COG6: variants seen among roughly 807,000 people sequenced by gnomAD.
COG6 encodes the protein component of oligomeric golgi complex 6.
Under a neutral mutation model 88.8 loss-of-function variants are expected in COG6, and 74 were observed. That is an observed-to-expected ratio of 0.83 (90% confidence interval 0.69 to 1.01). The LOEUF (loss-of-function observed/expected upper bound fraction) is 1.01. Ranked by LOEUF, COG6 falls within the 50% of genes least tolerant of loss-of-function variation. The pLI is 0.00. For missense variants in COG6, 800 were observed against 797.9 expected, an observed-to-expected ratio of 1.00 and a Z score of -0.03; for synonymous variants, 286 against 278.7, an observed-to-expected ratio of 1.03 and a Z score of -0.26.
downstream of COG6, among the ~76,000 whole-genome samples, chr13:39,756,017 T>C (rs1880823591): frequency 6.6e-6 from 1 of 152,210 alleles, no homozygotes; most frequent in Non-Finnish European, 1.5e-5. Context: ...AGCCCAGATA[T>C]TGAACTTATT....
At chr13:39,656,841 C>T (rs1394832526) in intron 1 of COG6, 1 of 455,978 alleles carries the variant, frequency 2.2e-6, no homozygotes, top group Non-Finnish European at 4.4e-6. Flanking sequence ...AGGAATCCTG[C>T]TGTTAAGTTT....
intron 18 of COG6, among the ~76,000 whole-genome samples, chr13:39,757,943 C>T (rs1314623614): frequency 1.3e-5 from 2 of 152,158 alleles, no homozygotes; most frequent in African/African-American, 4.8e-5. Flanking sequence ...CAACCGAGGG[C>T]TGGCACAGTG....
chr13:39,672,888 C>T (rs893310887), intron 4 of COG6, among the ~76,000 whole-genome samples: 1 of 152,006 alleles, frequency 6.6e-6, no homozygotes, highest in Non-Finnish European at 1.5e-5. Context: ...AGTTTCTGTA[C>T]ATCTTTGTTT....
intron 18 of COG6, among the ~76,000 whole-genome samples, chr13:39,733,550 A>G (rs1879573156): frequency 1.3e-5 from 2 of 151,396 alleles, no homozygotes; most frequent in African/African-American, 4.8e-5. Context: ...GAGAATTTTT[A>G]CATCATTGCT....
intron 11 of COG6, among the ~76,000 whole-genome samples, chr13:39,692,354 C>G (rs1219215297): frequency 6.6e-6 from 1 of 151,768 alleles, no homozygotes; most frequent in African/African-American, 2.4e-5. Flanking sequence ...AGATTACCAG[C>G]TATCATTTGA....
chr13:39,687,575 A>C lies in COG6; in HGVS notation c.861A>C (p.Arg287Ser). The C allele has an allele frequency of 6.2e-7, 1 of 1,613,832 alleles. No individual in the cohort carries two copies. Among genetic ancestry groups the C allele is most frequent in the Non-Finnish European group, 8.5e-7 (1 of 1,179,978 alleles). ...VVRGFIDALTRGGPGGTPRPI... is the reference protein window; with the variant it reads ...VVRGFIDALTSGGPGGTPRPI... ...GTGGATTTATTGATGCGCTCACAAGAGGGGGCCCCGGAGGTACACCTAGAC... is the reference window on the plus strand; with the variant it reads ...GTGGATTTATTGATGCGCTCACAAGCGGGGGCCCCGGAGGTACACCTAGAC... Residue 287 changes from arginine to serine, a missense_variant, in exon 9 of 19, where the codon AGA becomes AGC. By Grantham distance (110) the Arg-to-Ser change is moderately radical. Transcript: ENST00000455146.
intron 11 of COG6, among the ~76,000 whole-genome samples, chr13:39,692,792 G>A (rs1877055473): frequency 6.6e-6 from 1 of 152,010 alleles, no homozygotes; most frequent in African/African-American, 2.4e-5. Context: ...CTTTATGGTT[G>A]ATGCTGCTTC....
chr13:39,666,915 G>A (rs1164459739), intron 4 of COG6, among the ~76,000 whole-genome samples: 1 of 152,108 alleles, frequency 6.6e-6, no homozygotes, highest in East Asian at 1.9e-4. Context: ...TACACGTATA[G>A]GAAGTACATT....
At chr13:39,768,362 C>G (rs1266993462) in intron 18 of COG6, among the ~76,000 whole-genome samples, 1 of 152,212 alleles carries the variant, frequency 6.6e-6, no homozygotes, top group Non-Finnish European at 1.5e-5. Flanking sequence ...GGTGGCTTAG[C>G]ACTGCCACAG....
At chr13:39,780,726 A>G (rs1368123016) in intron 18 of COG6, among the ~76,000 whole-genome samples, 1 of 152,188 alleles carries the variant, frequency 6.6e-6, no homozygotes, top group Non-Finnish European at 1.5e-5. Context: ...ACCCTTCAGA[A>G]TGGAATATGA....
intron 3 of COG6, among the ~76,000 whole-genome samples, chr13:39,662,402 C>G (rs1353623289): frequency 6.6e-6 from 1 of 152,142 alleles, no homozygotes; most frequent in Non-Finnish European, 1.5e-5. Flanking sequence ...GCTGGGATTA[C>G]AGACATGAGC....
intron 18 of COG6, among the ~76,000 whole-genome samples, chr13:39,744,112 TA>T (rs1371816896): frequency 6.6e-6 from 1 of 152,066 alleles, no homozygotes; most frequent in African/African-American, 2.4e-5. Flanking sequence ...CTTAAAATAA[TA>T]AGAGCTATTT....
intron 8 of COG6, among the ~76,000 whole-genome samples, chr13:39,685,895 C>G (rs1876608517): frequency 6.6e-6 from 1 of 152,130 alleles, no homozygotes; most frequent in African/African-American, 2.4e-5. Flanking sequence ...CAGGGAATCT[C>G]AAAACCATTT....
At chr13:39,712,067 C>A (rs1047503753) in intron 13 of COG6, among the ~76,000 whole-genome samples, 6 of 152,182 alleles carry the variant, frequency 3.9e-5, no homozygotes, top group African/African-American at 1.4e-4. Flanking sequence ...GCCATATTGG[C>A]CAGGTTGGTC....
At chr13:39,705,902 G>T (rs1275090502) in intron 13 of COG6, among the ~76,000 whole-genome samples, 7 of 151,760 alleles carry the variant, frequency 4.6e-5, no homozygotes, top group African/African-American at 2.4e-5. Flanking sequence ...GTGCTGTTCT[G>T]GTTGAATAGT....
At chr13:39,656,569 G>A (rs887816646) in intron 1 of COG6, among the ~76,000 whole-genome samples, 8 of 151,916 alleles carry the variant, frequency 5.3e-5, no homozygotes, top group Middle Eastern at 3.2e-3. Context: ...GTCTCTGTGG[G>A]TCGCTAGGTA....
chr13:39,720,390 AGTTGGATT>A (rs1878789729), intron 15 of COG6, among the ~76,000 whole-genome samples: 1 of 151,846 alleles, frequency 6.6e-6, no homozygotes, highest in Admixed American at 6.6e-5. Flanking sequence ...TTTAGTAGAT[AGTTGGATT>A]CCAGTTTTAA....
At chr13:39,718,208 G>A (rs1878639501) in intron 13 of COG6, among the ~76,000 whole-genome samples, 1 of 151,998 alleles carries the variant, frequency 6.6e-6, no homozygotes, top group Non-Finnish European at 1.5e-5. Context: ...TTTTTATGAA[G>A]GAGAGAGTAT....
intron 13 of COG6, among the ~76,000 whole-genome samples, chr13:39,715,132 A>G (rs1024094745): frequency 6.6e-6 from 1 of 152,070 alleles, no homozygotes; most frequent in African/African-American, 2.4e-5. Flanking sequence ...TGGGTGCACT[A>G]AAATCTCAGA....
Sources: gnomAD v4.1 joint callset for allele counts (sites outside exome capture counted in the v4.1 genomes callset) on GRCh38, gnomAD v4.1.1 for gene constraint, MANE v1.5 for transcripts, NCBI Gene and HGNC (gene_info 2026-07-23, HGNC 2026-07-21) for gene names.